TKTL1: variants seen among roughly 807,000 people sequenced by gnomAD.
TKTL1 encodes transketolase-like protein 1.
In TKTL1, 1 loss-of-function variant was observed where a neutral mutation model predicts 39.3. The observed-to-expected ratio is 0.03, with a 90% CI of 0.01 to 0.12. The LOEUF (loss-of-function observed/expected upper bound fraction) is 0.12. Ranked by LOEUF, TKTL1 falls within the 10% of genes least tolerant of loss-of-function variation. TKTL1 has a pLI of 1.00. For missense variants in TKTL1, 575 were observed against 509.6 expected, an observed-to-expected ratio of 1.13 and a Z score of -1.24; for synonymous variants, 262 against 193.8, an observed-to-expected ratio of 1.35 and a Z score of -2.92.
At chrX:154,312,794 T>C (rs782546990) in intron 6 of TKTL1, 21 bp downstream of exon 6, 2 of 1,176,433 alleles carry the variant, frequency 1.7e-6, no homozygotes, top group Non-Finnish European at 2.3e-6. Context: ...AGGTGGATAA[T>C]TGAATAAATC....
chrX:154,300,684 A>C (rs1297518838), intron 1 of TKTL1, among the ~76,000 whole-genome samples: 1 of 109,370 alleles, frequency 9.1e-6, no homozygotes, highest in Non-Finnish European at 1.9e-5. Context: ...AGTCTTTAGG[A>C]TTTTGTTTGT....
chrX:154,299,120 C>T (rs1248377446), intron 1 of TKTL1, among the ~76,000 whole-genome samples: 2 of 101,553 alleles, frequency 2.0e-5, no homozygotes, highest in African/African-American at 7.2e-5. Context: ...TCATTTGTCT[C>T]TAAGGGATTT....
intron 3 of TKTL1, among the ~76,000 whole-genome samples, chrX:154,310,546 C>T (rs1471379121): frequency 8.9e-6 from 1 of 112,662 alleles, no homozygotes; most frequent in East Asian, 2.8e-4. Flanking sequence ...CCCTTCCCCT[C>T]TGGCCCTGTT....
Position 154,329,823 on chromosome X carries a change from TC to T in TKTL1, c.*136del. The T allele has an allele frequency of 2.8e-6, 2 of 727,201 alleles. No homozygotes were observed. The highest frequency in any genetic ancestry group is 4.0e-6 in the Non-Finnish European group (2 of 501,993). The allele number at this position is 727,201 out of a possible 1,213,427, so 59.9% of individuals were successfully genotyped here. A position where few individuals can be genotyped will look rare whatever the true frequency, so the allele number is the denominator to read the frequency against. On this transcript the variant is annotated 3_prime_UTR_variant, in exon 13 of 13. Coordinates refer to ENST00000369915, the MANE Select transcript of TKTL1 (RefSeq NM_012253.4). The stretch of plus-strand genomic sequence containing the variant: ...GCTAACACCTTCATTCATCCCTAGT[TC>T]GGAAATTCAAGCTAACTACTTACCC...
At chrX:154,329,303 C>A (rs1287908975) in intron 12 of TKTL1, among the ~76,000 whole-genome samples, 1 of 111,916 alleles carries the variant, frequency 8.9e-6, no homozygotes, top group Non-Finnish European at 1.9e-5. Flanking sequence ...GTGCCACAGA[C>A]CCCCACACTC....
At chrX:154,318,409 T>C (rs782317868) in intron 7 of TKTL1, among the ~76,000 whole-genome samples, 58 of 109,450 alleles carry the variant, frequency 5.3e-4, no homozygotes, top group African/African-American at 1.9e-3. Context: ...GTTCAAGAGT[T>C]CGAGACCAGG....
chrX:154,305,583 A>G (rs966743238), intron 2 of TKTL1, among the ~76,000 whole-genome samples, 162 bp downstream of exon 2: 1 of 111,364 alleles, frequency 9.0e-6, no homozygotes, highest in Non-Finnish European at 1.9e-5. Context: ...GGCCACTTGG[A>G]GCCCTGTGAT....
chrX:154,299,237 C>T lies in TKTL1; in HGVS notation c.134+3244C>T, dbSNP rs782631765. ...GTGGCACAATCTAGGCTTACCACAA[C>T]CTCTGCCTCCCAGGTTCAAGCAATT... On this transcript the variant is annotated intron_variant, in intron 1 of 12. Coordinates refer to ENST00000369915, the MANE Select transcript of TKTL1 (RefSeq NM_012253.4). Among the ~76,000 whole-genome samples the T allele has an allele frequency of 6.9e-5, 7 of 101,285 alleles. No homozygotes were observed. In the South Asian group the frequency reaches 3.4e-3, roughly 49 times the overall value. The allele number at this position is 101,285 out of a possible 115,157, so 88.0% of individuals were successfully genotyped here. A position where few individuals can be genotyped will look rare whatever the true frequency, so the allele number is the denominator to read the frequency against.
intron 3 of TKTL1, 134 bp from the exon 4 acceptor site, chrX:154,310,702 T>C: frequency 1.9e-6 from 1 of 538,173 alleles, no homozygotes; most frequent in Non-Finnish European, 3.0e-6. Context: ...GCAGAGTTGA[T>C]GAGGGAGATT....
intron 5 of TKTL1, among the ~76,000 whole-genome samples, chrX:154,312,362 G>A (rs2067364852): frequency 8.9e-6 from 1 of 111,825 alleles, no homozygotes; most frequent in Non-Finnish European, 1.9e-5. Context: ...TTGGGGAGGA[G>A]TCATAGCGTG....
intron 1 of TKTL1, among the ~76,000 whole-genome samples, chrX:154,299,269 C>T (rs1363260480): frequency 5.7e-5 from 6 of 105,193 alleles, no homozygotes; most frequent in Non-Finnish European, 1.2e-4. Context: ...AATTCTCCTG[C>T]CTCGGCCTCC....
intron 1 of TKTL1, chrX:154,304,820 C>T (rs1050451393): frequency 8.7e-5 from 26 of 297,913 alleles, no homozygotes; most frequent in South Asian, 1.4e-4. Context: ...ACATGCAGGC[C>T]GCTTTCTAAG....
chrX:154,325,053 C>G (rs1462972222), intron 9 of TKTL1, among the ~76,000 whole-genome samples: 2 of 111,811 alleles, frequency 1.8e-5, no homozygotes, highest in Non-Finnish European at 3.8e-5. Context: ...AGTCAGTGCT[C>G]CTGCCGTGAG....
Position 154,325,711 on chromosome X carries a change from G to A in TKTL1, c.1401+289G>A, listed in dbSNP as rs190721018. 2.7e-3 allele frequency among the ~76,000 whole-genome samples: 308 copies of A among 112,464 alleles called. 9 individuals carry two copies. The highest frequency in any genetic ancestry group is 0.026 in the Admixed American group (273 of 10,601). On this transcript the variant is annotated intron_variant, in intron 10 of 12. Transcript: ENST00000369915. Reference sequence around the variant, plus strand: ...GTCGTGGCTATAATTTATCTTGGCCGCAAGCTAAACAAAACAGAAGCCAGC... The same window carrying A: ...GTCGTGGCTATAATTTATCTTGGCCACAAGCTAAACAAAACAGAAGCCAGC...
intron 5 of TKTL1, 41 bp downstream of exon 5, chrX:154,311,279 A>G: frequency 4.1e-6 from 5 of 1,207,616 alleles, no homozygotes; most frequent in Non-Finnish European, 5.6e-6. Flanking sequence ...TGTTAAAAGC[A>G]TCTGTCCGCT....
intron 6 of TKTL1, among the ~76,000 whole-genome samples, chrX:154,313,195 G>A (rs1182748851): frequency 8.9e-6 from 1 of 112,216 alleles, no homozygotes; most frequent in Non-Finnish European, 1.9e-5. Context: ...GGTGTGGTGT[G>A]CCTTTTTCTA....
intron 7 of TKTL1, chrX:154,320,264 T>C (rs1237872948): frequency 4.2e-5 from 5 of 117,786 alleles, no homozygotes; most frequent in Admixed American, 8.8e-5. Context: ...GGGCAATGAC[T>C]ATAGGCAAGT....
chrX:154,307,380 A>G (rs1477032290), intron 2 of TKTL1, among the ~76,000 whole-genome samples: 1 of 112,132 alleles, frequency 8.9e-6, no homozygotes, highest in East Asian at 2.8e-4. Flanking sequence ...ATTGGAACAA[A>G]AGAGAAAACA....
chrX:154,324,143 T>G (rs113078586), intron 9 of TKTL1, among the ~76,000 whole-genome samples: 1 of 110,255 alleles, frequency 9.1e-6, no homozygotes, highest in South Asian at 3.7e-4. Context: ...TTGTGTTTTG[T>G]TTTTTGGGTT....
Sources: allele counts gnomAD v4.1 joint callset (sites outside exome capture counted in the v4.1 genomes callset), GRCh38; gene constraint gnomAD v4.1.1; transcripts MANE v1.5; gene names NCBI Gene and HGNC (gene_info 2026-07-23, HGNC 2026-07-21).